The following MALRD1 variants were observed in gnomAD, a reference collection of about 807,000 sequenced individuals.
MALRD1 encodes the protein MAM and LDL receptor class A domain containing 1, also known as MAM and LDL-receptor class A domain-containing protein 1.
A neutral mutation model predicts 242.1 loss-of-function variants in MALRD1; 247 were observed. The observed-to-expected ratio is 1.02, with a 90% confidence interval of 0.92 to 1.13. The LOEUF (loss-of-function observed/expected upper bound fraction) is 1.13. MALRD1 is among the 50% of genes most tolerant of loss of function. The pLI, the probability that MALRD1 is intolerant of heterozygous loss-of-function variation, is 0.00. For missense variants in MALRD1, 2,989 were observed against 2,533.1 expected (o/e 1.18, Z -3.86); for synonymous variants, 995 against 866.6 (o/e 1.15, Z -2.60).
intron 13 of MALRD1, among the ~76,000 whole-genome samples, chr10:19,168,224 T>C (rs958860422): frequency 5.3e-5 from 8 of 152,210 alleles, no homozygotes; most frequent in African/African-American, 1.9e-4. Flanking sequence ...TACTAGCAGC[T>C]CTTAATTGGG....
chr10:19,629,159 C>T (rs1001486273), intron 36 of MALRD1, among the ~76,000 whole-genome samples: 6 of 152,182 alleles, frequency 3.9e-5, no homozygotes, highest in African/African-American at 1.4e-4. Context: ...TGTTTGTACA[C>T]TTAGCTATTA....
chr10:19,361,218 T>C (rs80264578), intron 26 of MALRD1, among the ~76,000 whole-genome samples: 1,965 of 152,278 alleles, frequency 0.013, 36 homozygotes, highest in African/African-American at 0.036. Flanking sequence ...TGTGAACATA[T>C]ACTATACACA....
intron 26 of MALRD1, among the ~76,000 whole-genome samples, chr10:19,362,558 A>C (rs1844937460): frequency 6.6e-6 from 1 of 152,144 alleles, no homozygotes; most frequent in African/African-American, 2.4e-5. Context: ...GATGGTACCA[A>C]GACAGGGCAT....
At chr10:19,059,528 A>G (rs1834761063) in intron 1 of MALRD1, among the ~76,000 whole-genome samples, 1 of 152,082 alleles carries the variant, frequency 6.6e-6, no homozygotes, top group South Asian at 2.1e-4. Flanking sequence ...CTGGGACTAC[A>G]GATGCATGTC....
intron 2 of MALRD1, among the ~76,000 whole-genome samples, chr10:19,087,377 C>A (rs1317514581): frequency 6.6e-6 from 1 of 151,824 alleles, no homozygotes. Flanking sequence ...CACTGGGCAA[C>A]ATAAGGAAGT....
rs1284839651 is a variant in MALRD1, at chr10:19,091,530, CA to C, written c.597+3351del. Among the ~76,000 whole-genome samples the C allele has an allele frequency of 6.5e-5, 2 of 30,786 alleles. 1 individual carries two copies. Among genetic ancestry groups the C allele is most frequent in the Non-Finnish European group, 1.1e-4 (2 of 17,998 alleles). The allele number at this position is 30,786 out of a possible 152,430, so 20.2% of individuals were successfully genotyped here. ...GGTCTATCAATTTTGTTGATCCTTT[CA>C]AAAAACCAGCTCCTGGATTCATTGA... On this transcript the variant is annotated intron_variant, in intron 4 of 39. Transcript: ENST00000454679.
intron 32 of MALRD1, among the ~76,000 whole-genome samples, chr10:19,550,102 A>T (rs1156895223): frequency 6.6e-6 from 1 of 152,174 alleles, no homozygotes; most frequent in Non-Finnish European, 1.5e-5. Flanking sequence ...CATCTTAAGT[A>T]AGAAAGGTGA....
At chr10:19,667,324 G>A (rs974904661) in intron 36 of MALRD1, among the ~76,000 whole-genome samples, 3 of 152,118 alleles carry the variant, frequency 2.0e-5, no homozygotes, top group African/African-American at 7.2e-5. Flanking sequence ...TCTGGACTCA[G>A]TAACAGCTTA....
At chr10:19,072,271 T>C (rs1835176235) in intron 2 of MALRD1, among the ~76,000 whole-genome samples, 1 of 152,142 alleles carries the variant, frequency 6.6e-6, no homozygotes, top group Non-Finnish European at 1.5e-5. Context: ...TATTTTAGGC[T>C]TTTTGGGCCA....
chr10:19,589,359 T>C (rs1837630229), intron 33 of MALRD1, among the ~76,000 whole-genome samples: 1 of 152,180 alleles, frequency 6.6e-6, no homozygotes, highest in African/African-American at 2.4e-5. Context: ...GAAGCATATT[T>C]GGTGGCATGC....
chr10:19,712,530 T>A (rs1834175726), intron 38 of MALRD1, among the ~76,000 whole-genome samples: 1 of 152,224 alleles, frequency 6.6e-6, no homozygotes, highest in Admixed American at 6.5e-5. Flanking sequence ...AACATAAGGC[T>A]GTTAAGTTTA....
intron 14 of MALRD1, among the ~76,000 whole-genome samples, chr10:19,181,985 A>G (rs1035298316): frequency 2.0e-5 from 3 of 152,084 alleles, no homozygotes; most frequent in Admixed American, 1.3e-4. Flanking sequence ...AAGTTGGAAA[A>G]TATATTCAAT....
rs537095278 is a variant in MALRD1, at chr10:19,141,653, G to A, written c.1412-4545G>A. On this transcript the variant is annotated intron_variant, in intron 10 of 39. Transcript: ENST00000454679. ...ATCTACTTCACTGTGTTCCAGAAAAGTTGGCATGATAGATACATCTTCAAA... is the reference window on the plus strand; with the variant it reads ...ATCTACTTCACTGTGTTCCAGAAAAATTGGCATGATAGATACATCTTCAAA... Among the ~76,000 whole-genome samples the A allele has an allele frequency of 2.0e-5, 3 of 151,902 alleles. No individual in the cohort carries two copies. In the South Asian group the frequency reaches 6.2e-4, roughly 32 times the overall value.
intron 33 of MALRD1, among the ~76,000 whole-genome samples, chr10:19,586,422 G>A (rs558804973): frequency 1.3e-4 from 20 of 152,268 alleles, no homozygotes; most frequent in African/African-American, 4.6e-4. Flanking sequence ...TGTCCTTTCT[G>A]TTTGTTAGTT....
At chr10:19,242,585 A>G (rs1838839739) in intron 18 of MALRD1, among the ~76,000 whole-genome samples, 2 of 152,172 alleles carry the variant, frequency 1.3e-5, no homozygotes, top group Admixed American at 1.3e-4. Flanking sequence ...TGCTTTATAT[A>G]TCTGGTTGTT....
chr10:19,651,982 G>T (rs1022372049), intron 36 of MALRD1, among the ~76,000 whole-genome samples: 1 of 152,250 alleles, frequency 6.6e-6, no homozygotes, highest in Non-Finnish European at 1.5e-5. Flanking sequence ...CAGAGCTGAT[G>T]GAGAAGGGGC....
intron 36 of MALRD1, among the ~76,000 whole-genome samples, chr10:19,654,788 G>T (rs892917271): frequency 5.9e-5 from 9 of 152,090 alleles, no homozygotes; most frequent in Non-Finnish European, 2.9e-5. Flanking sequence ...TCAGGAAGTG[G>T]CTACCAAGAG....
At chr10:19,574,509 G>A (rs1391997699) in intron 33 of MALRD1, among the ~76,000 whole-genome samples, 2 of 152,182 alleles carry the variant, frequency 1.3e-5, no homozygotes, top group Admixed American at 6.5e-5. Context: ...CAAGAGACAG[G>A]CAGAGAGAAA....
chr10:19,377,988 T>G (rs1845680833), intron 26 of MALRD1, among the ~76,000 whole-genome samples: 1 of 152,188 alleles, frequency 6.6e-6, no homozygotes, highest in Non-Finnish European at 1.5e-5. Context: ...TCAAGAATTC[T>G]GTGATTAAAG....
Sources: gnomAD v4.1 joint callset for allele counts (sites outside exome capture counted in the v4.1 genomes callset) on GRCh38, gnomAD v4.1.1 for gene constraint, MANE v1.5 for transcripts, NCBI Gene and HGNC (gene_info 2026-07-23, HGNC 2026-07-21) for gene names.